The following ERBIN variants were observed in gnomAD, a reference collection of about 807,000 sequenced individuals.
ERBIN encodes the protein erbb2 interacting protein, also known as densin-180-like protein.
A neutral mutation model predicts 158.4 loss-of-function variants in ERBIN; 60 were observed. The observed-to-expected ratio is 0.38, with a 90% CI of 0.31 to 0.47. The LOEUF (loss-of-function observed/expected upper bound fraction) is 0.47. Among genes scored for constraint, ERBIN ranks in the 20% least tolerant of loss-of-function variants. ERBIN has a pLI of 0.99. For missense variants in ERBIN, 1,610 were observed against 1,648.0 expected (o/e 0.98, Z 0.40); for synonymous variants, 594 against 557.2 (o/e 1.07, Z -0.93).
At chr5:66,026,281 C>G in intron 12 of ERBIN, 21 bp from the exon 13 acceptor site, 2 of 1,501,382 alleles carry the variant, frequency 1.3e-6, no homozygotes, top group Non-Finnish European at 1.8e-6. Context: ...TTTTGATACT[C>G]AGTTTATATT....
intron 14 of ERBIN, among the ~76,000 whole-genome samples, chr5:66,029,013 G>A (rs1561396523): frequency 6.6e-6 from 1 of 152,088 alleles, no homozygotes. Context: ...CATTGTGATT[G>A]TATGTGTATT....
At chr5:65,956,048 G>A (rs1747076429) in intron 1 of ERBIN, among the ~76,000 whole-genome samples, 1 of 152,190 alleles carries the variant, frequency 6.6e-6, no homozygotes, top group Non-Finnish European at 1.5e-5. Flanking sequence ...TGTGGTTTCA[G>A]GTATATTCTG....
chr5:65,999,470 CAG>C (rs1752801056), intron 4 of ERBIN, among the ~76,000 whole-genome samples: 1 of 152,200 alleles, frequency 6.6e-6, no homozygotes, highest in African/African-American at 2.4e-5. Context: ...CCCCTAAGAA[CAG>C]GGGAATCGGA....
At chr5:66,038,654 T>G (rs574318571) in intron 15 of ERBIN, among the ~76,000 whole-genome samples, 172 bp downstream of exon 15, 8 of 152,218 alleles carry the variant, frequency 5.3e-5, no homozygotes, top group African/African-American at 1.9e-4. Flanking sequence ...GGGGTTGAAT[T>G]TAGAAGTATA....
chr5:65,950,063 T>C (rs1195144998), intron 1 of ERBIN, among the ~76,000 whole-genome samples: 4 of 152,190 alleles, frequency 2.6e-5, no homozygotes, highest in African/African-American at 9.6e-5. Flanking sequence ...TGGAGTGCAG[T>C]GGTGTGATCT....
chr5:66,028,155 TC>T, intron 13 of ERBIN, 118 bp from the exon 14 acceptor site: 1 of 571,852 alleles, frequency 1.7e-6, no homozygotes, highest in African/African-American at 1.9e-5. Context: ...GATTTTTTTT[TC>T]TCCTATTTTC....
chr5:66,038,548 T>G (rs1304884817), intron 15 of ERBIN, 66 bp downstream of exon 15: 4 of 1,226,076 alleles, frequency 3.3e-6, no homozygotes, highest in Admixed American at 4.3e-5. Flanking sequence ...TGAAGTGAAC[T>G]TTAAGTCTCA....
chr5:65,952,444 C>T (rs1246812345), intron 1 of ERBIN, among the ~76,000 whole-genome samples: 1 of 152,130 alleles, frequency 6.6e-6, no homozygotes, highest in African/African-American at 2.4e-5. Context: ...ATTGCAGCCT[C>T]AAACTCCTGG....
intron 21 of ERBIN, among the ~76,000 whole-genome samples, chr5:66,071,387 AAG>A (rs1345930980): frequency 1.3e-5 from 2 of 152,134 alleles, no homozygotes; most frequent in African/African-American, 4.8e-5. Context: ...GAAAGAAAGA[AAG>A]AAATATTCAG....
chr5:65,999,104 C>T (rs1232020167), intron 4 of ERBIN, among the ~76,000 whole-genome samples: 1 of 152,118 alleles, frequency 6.6e-6, no homozygotes, highest in Non-Finnish European at 1.5e-5. Context: ...CGTGGTGGCT[C>T]ACCCCTGTAA....
intron 1 of ERBIN, among the ~76,000 whole-genome samples, chr5:65,974,864 A>G (rs1297913009): frequency 3.9e-5 from 6 of 152,188 alleles, no homozygotes; most frequent in African/African-American, 1.4e-4. Context: ...AAGGAAACTG[A>G]GGTTTGACCA....
intron 7 of ERBIN, among the ~76,000 whole-genome samples, chr5:66,018,878 G>C (rs994273292): frequency 6.6e-6 from 1 of 151,398 alleles, no homozygotes; most frequent in Non-Finnish European, 1.5e-5. Context: ...CTCATGATGC[G>C]CCTGCCTTGG....
At position 65,992,812 on chromosome 5, in the gene ERBIN, T is replaced by G; in HGVS notation, c.94T>G (p.Cys32Gly). The change falls in exon 3 of 26, where the codon TGC becomes GGC. Residue 32 changes from cysteine (C) to glycine (G), a missense_variant. By Grantham distance (159) the Cys-to-Gly change is radical. Around this residue, in one of 2 missense-constraint regions of ERBIN, gnomAD observed 596 missense variants for 711.9 expected, o/e 0.84. Coordinates refer to ENST00000284037, the MANE Select transcript of ERBIN (RefSeq NM_001253697.2). ...TGTCACTACTCTTGATTATTCTCAT[T>G]GCAGCTTAGAACAAGTTCCGAAAGA... ...ETVTTLDYSH[C>G]SLEQVPKEIF... The G allele has an allele frequency of 2.5e-6, 4 of 1,613,850 alleles. No homozygotes were observed. The highest frequency in any genetic ancestry group is 3.4e-6 in the Non-Finnish European group (4 of 1,179,806).
chr5:65,943,682 C>T (rs1321560975), intron 1 of ERBIN, among the ~76,000 whole-genome samples: 1 of 152,066 alleles, frequency 6.6e-6, no homozygotes, highest in Admixed American at 6.5e-5. Context: ...TATTTTTCTT[C>T]TGAACTTTTT....
intron 18 of ERBIN, among the ~76,000 whole-genome samples, chr5:66,047,206 C>T (rs966623950): frequency 7.2e-5 from 11 of 152,192 alleles, no homozygotes; most frequent in African/African-American, 2.4e-4. Flanking sequence ...CTTGACATTT[C>T]ATTTAAGTGG....
At chr5:65,940,624 C>T (rs1237094693) in intron 1 of ERBIN, among the ~76,000 whole-genome samples, 1 of 128,434 alleles carries the variant, frequency 7.8e-6, no homozygotes. Context: ...CCCGGCCAGC[C>T]GCCCCGTCCG....
At chr5:65,941,265 A>G (rs1269008518) in intron 1 of ERBIN, among the ~76,000 whole-genome samples, 1 of 148,892 alleles carries the variant, frequency 6.7e-6, no homozygotes, top group Non-Finnish European at 1.5e-5. Context: ...CTATTGTCCT[A>G]TGACCCTGCC....
At chr5:65,929,899 C>G (rs768772657) in intron 1 of ERBIN, among the ~76,000 whole-genome samples, 6 of 152,094 alleles carry the variant, frequency 3.9e-5, no homozygotes, top group Non-Finnish European at 5.9e-5. Context: ...CTTGGCCTAC[C>G]GAAGTGCTGG....
intron 1 of ERBIN, among the ~76,000 whole-genome samples, chr5:65,955,272 A>G (rs552443239): frequency 1.3e-5 from 2 of 152,266 alleles, no homozygotes; most frequent in Non-Finnish European, 2.9e-5. Context: ...AATTAGAAAC[A>G]CTGAATTTTT....
Sources: gnomAD v4.1 joint callset for allele counts (sites outside exome capture counted in the v4.1 genomes callset) on GRCh38, gnomAD v4.1.1 for gene constraint, gnomAD v4.1.1 regional missense constraint, MANE v1.5 for transcripts, NCBI Gene and HGNC (gene_info 2026-07-23, HGNC 2026-07-21) for gene names.